Variants in CLK1 observed in about 807,000 individuals in gnomAD.
The protein encoded by CLK1 is dual specificity protein kinase CLK1.
In CLK1, 40 loss-of-function variants were observed where a neutral mutation model predicts 60.9. The ratio of observed to expected loss-of-function variants is 0.66; its 90% CI spans 0.51 to 0.86. The LOEUF (loss-of-function observed/expected upper bound fraction) is 0.86, where lower values mean the gene tolerates loss of function less well. CLK1 is among the 40% of genes least tolerant of loss of function. The probability of loss-of-function intolerance (pLI) is 0.00; values close to 1 mark genes in which losing one functional copy is unlikely to be tolerated. For synonymous variants in CLK1, 203 were observed against 184.4 expected, an observed-to-expected ratio of 1.10 and a Z score of -0.82; for missense variants, 563 against 606.1, an observed-to-expected ratio of 0.93 and a Z score of 0.75.
intron 1 of CLK1, among the ~76,000 whole-genome samples, chr2:200,863,574 G>A (rs2039179328): frequency 6.6e-6 from 1 of 150,960 alleles, no homozygotes; most frequent in Non-Finnish European, 1.5e-5. Context: ...AGAAAAAAAG[G>A]AGGCTGGGCG....
chr2:200,864,142 T>C (rs1234114396), intron 1 of CLK1: 1 of 1,551,430 alleles, frequency 6.4e-7, no homozygotes, highest in Middle Eastern at 1.7e-4. Context: ...TCACGCACAT[T>C]CTGGAACCCC....
intron 7 of CLK1, chr2:200,857,449 T>G (rs932301767): frequency 1.3e-5 from 4 of 314,476 alleles, no homozygotes; most frequent in Non-Finnish European, 2.3e-5. Flanking sequence ...CGCCTTAATT[T>G]TTACCCAGCA....
Position 200,861,739 on chromosome 2 carries a change from T to G in CLK1, c.124A>C (p.Lys42Gln). ...TTAGAGTGATTGTATTTGCAGCGCT[T>G]GTTCTCCTGGGCACTGCTATGTGAT... Reference protein sequence around the residue: ...KRSHSSAQENKRCKYNHSKMC... With the variant: ...KRSHSSAQENQRCKYNHSKMC... Residue 42 changes from lysine (K) to glutamine (Q), a missense_variant, in exon 2 of 13, where the codon AAG becomes CAG. By Grantham distance (53) the Lys-to-Gln change is moderately conservative (BLOSUM62 1). This residue lies in a region of CLK1 where 198 missense variants were observed against 179.2 expected (regional missense o/e 1.10). Transcript: ENST00000321356. 6.2e-7 allele frequency: 1 copy of G among 1,614,162 alleles called. No individual in the cohort carries two copies.
intron 3 of CLK1, 88 bp downstream of exon 3, chr2:200,861,150 C>T (rs1479420407): frequency 6.5e-7 from 1 of 1,534,296 alleles, no homozygotes; most frequent in Admixed American, 2.1e-5. Context: ...CATCTTAAAA[C>T]TTTCTCAAAT....
chr2:200,856,607 G>C, intron 9 of CLK1, 75 bp downstream of exon 9: 1 of 1,249,056 alleles, frequency 8.0e-7, no homozygotes, highest in Non-Finnish European at 1.1e-6. Context: ...CCACAAGTAA[G>C]ACCTAAAACT....
At chr2:200,859,497 A>G (rs563854532) in intron 5 of CLK1, among the ~76,000 whole-genome samples, 183 bp downstream of exon 5, 9 of 152,308 alleles carry the variant, frequency 5.9e-5, no homozygotes, top group Non-Finnish European at 1.0e-4. Context: ...AATTATACAT[A>G]CTATTAGTAG....
chr2:200,858,124 A>G, intron 5 of CLK1, 35 bp from the exon 6 acceptor site: 17 of 1,305,758 alleles, frequency 1.3e-5, no homozygotes, highest in Non-Finnish European at 1.9e-5. Context: ...TAAGAATGAC[A>G]GACATGATGC....
At chr2:200,861,213 C>T (rs1279012962) in intron 3 of CLK1, 25 bp downstream of exon 3, 1 of 1,599,834 alleles carries the variant, frequency 6.3e-7, no homozygotes, top group South Asian at 1.1e-5. Context: ...ATAAAATTTC[C>T]AAAATGTTTT....
rs575925148 is a variant in CLK1, at chr2:200,853,465, A to T, written c.1312-16T>A. 1.2e-5 allele frequency: 19 copies of T among 1,601,030 alleles called. No individual in the cohort carries two copies. The African/African-American group carries it at 1.2e-4, about 10-fold the overall frequency. On this transcript the variant is annotated splice_polypyrimidine_tract_variant and intron_variant, in intron 12 of 12. Coordinates refer to ENST00000321356, the MANE Select transcript of CLK1 (RefSeq NM_004071.4). The stretch of plus-strand genomic sequence containing the variant: ...GCATAAATTCCTGGAAGAAAAAAAG[A>T]AATTCATTCAACAGCCTTTTCCACT...
Position 200,858,004 on chromosome 2 carries a change from G to A in CLK1, c.634C>T (p.His212Tyr). 6.2e-7 allele frequency: 1 copy of A among 1,613,946 alleles called. No individual in the cohort carries two copies. The highest frequency in any genetic ancestry group is 8.5e-7 in the Non-Finnish European group (1 of 1,179,856). The change falls in exon 6 of 13, where the codon CAT (histidine) becomes TAT (tyrosine). Residue 212 changes from histidine to tyrosine, a missense_variant. By Grantham distance (83) the His-to-Tyr change is moderately conservative. Transcript: ENST00000321356. ...CTGTTGGGGTCTGTTGTATTCAGAT[G>A]TTCCAGAACTTGTATTTCTGAGCGA... ...AARSEIQVLE[H>Y]LNTTDPNSTF...
intron 1 of CLK1, among the ~76,000 whole-genome samples, chr2:200,863,549 A>G (rs2039178103): frequency 6.6e-6 from 1 of 151,404 alleles, no homozygotes. Context: ...CAGGGGCGAG[A>G]CCTTGTCTCA....
chr2:200,860,314 T>A, intron 3 of CLK1, 99 bp from the exon 4 acceptor site: 1 of 1,574,966 alleles, frequency 6.3e-7, no homozygotes, highest in South Asian at 1.2e-5. Context: ...GGGGAGATAT[T>A]CAGGCATTCA....
chr2:200,864,029 T>C, intron 1 of CLK1: 1 of 1,459,238 alleles, frequency 6.9e-7, no homozygotes, highest in Non-Finnish European at 9.1e-7. Context: ...CCACTCGCGA[T>C]GTTTACGCCG....
intron 5 of CLK1, among the ~76,000 whole-genome samples, chr2:200,858,518 G>A (rs1053760871): frequency 1.3e-5 from 2 of 151,438 alleles, no homozygotes; most frequent in Non-Finnish European, 2.9e-5. Context: ...CCAACATGGT[G>A]AAACCCTATT....
chr2:200,863,817 A>G (rs780275583), intron 1 of CLK1, among the ~76,000 whole-genome samples: 8 of 151,958 alleles, frequency 5.3e-5, no homozygotes, highest in Non-Finnish European at 1.0e-4. Flanking sequence ...TCGCGCCACT[A>G]CACTCTAGCC....
chr2:200,856,745 CA>C lies in CLK1; in HGVS notation c.993del (p.Tyr331Ter), dbSNP rs2039049977. On this transcript the variant is annotated frameshift_variant, in exon 9 of 13. Transcript: ENST00000321356. LOFTEE classifies it high-confidence loss of function. Reference sequence around the variant, plus strand: ...ACCAATGTACTGTGATGTTCGTCATCATATGTTGCACTACCAAAGTCTACAA... The same window carrying C: ...ACCAATGTACTGTGATGTTCGTCATCTATGTTGCACTACCAAAGTCTACAA... ...IKVVDFGSAT[Y>X]DDEHHSTLVS... The C allele has an allele frequency of 9.3e-6, 15 of 1,613,272 alleles. No homozygotes were observed. The highest frequency in any genetic ancestry group is 1.3e-5 in the Non-Finnish European group (15 of 1,179,754).
In CLK1 at chr2:200,854,984, A is replaced by C. The variant is rs1430926207; in HGVS notation, c.1140+20T>G. The C allele has an allele frequency of 6.3e-7, 1 of 1,586,014 alleles. No homozygotes were observed. The highest frequency in any genetic ancestry group is 8.6e-7 in the Non-Finnish European group (1 of 1,162,392). On this transcript the variant is annotated intron_variant, in intron 10 of 12. Transcript: ENST00000321356. The stretch of plus-strand genomic sequence containing the variant: ...CCTTTCTTGTGCAAAGCAAGGTTGA[A>C]ATAGATCATTGTCACTTACTGGAAA...
At chr2:200,859,651 T>C (rs1575079436) in intron 5 of CLK1, 29 bp downstream of exon 5, 1 of 1,601,466 alleles carries the variant, frequency 6.2e-7, no homozygotes. Context: ...CCAACTTCCC[T>C]AAAAGTAATC....
Position 200,857,699 on chromosome 2 carries a change from A to G in CLK1, c.832+19T>C. 1 of 1,560,438 alleles carries G rather than the reference A, an allele frequency of 6.4e-7. No individual in the cohort carries two copies. Among genetic ancestry groups the G allele is most frequent in the Non-Finnish European group, 8.7e-7 (1 of 1,152,522 alleles). Reference sequence around the variant, plus strand: ...ATGGATAAAACCAGCAAATTAACGAAGATATACCAAGAACTTACAATTCAC... The same window carrying G: ...ATGGATAAAACCAGCAAATTAACGAGGATATACCAAGAACTTACAATTCAC... On this transcript the variant is annotated intron_variant, in intron 7 of 12. Transcript: ENST00000321356.
Sources: gnomAD v4.1 joint callset for allele counts (sites outside exome capture counted in the v4.1 genomes callset) on GRCh38, gnomAD v4.1.1 for gene constraint, gnomAD v4.1.1 regional missense constraint, MANE v1.5 for transcripts, NCBI Gene and HGNC (gene_info 2026-07-23, HGNC 2026-07-21) for gene names.